Variants in USP25 observed in about 807,000 individuals in gnomAD.
USP25 encodes the protein ubiquitin specific peptidase 25.
USP25 carries 85 observed loss-of-function variants against 158.5 expected under a neutral mutation model. That is an observed-to-expected ratio of 0.54 (90% CI 0.45 to 0.64). The LOEUF (loss-of-function observed/expected upper bound fraction) is 0.64, where lower values mean the gene tolerates loss of function less well. Ranked by LOEUF, USP25 falls within the 30% of genes least tolerant of loss-of-function variation. USP25 has a pLI of 0.00. For synonymous variants in USP25, 464 were observed against 460.4 expected, an observed-to-expected ratio of 1.01 and a Z score of -0.10; for missense variants, 1,242 against 1,327.3, an observed-to-expected ratio of 0.94 and a Z score of 1.00.
At chr21:15,757,988 TC>T (rs1394497581) in intron 1 of USP25, among the ~76,000 whole-genome samples, 1 of 152,220 alleles carries the variant, frequency 6.6e-6, no homozygotes. Flanking sequence ...AAGGAAAACT[TC>T]TGTATAGATT....
intron 4 of USP25, among the ~76,000 whole-genome samples, chr21:15,779,448 T>G (rs1384032931): frequency 6.6e-6 from 1 of 151,868 alleles, no homozygotes; most frequent in Non-Finnish European, 1.5e-5. Flanking sequence ...ATACAAATAT[T>G]ATTTTTAAAA....
intron 20 of USP25, among the ~76,000 whole-genome samples, chr21:15,859,262 G>A (rs760232461): frequency 1.4e-4 from 21 of 150,648 alleles, no homozygotes; most frequent in East Asian, 9.8e-4. Context: ...GTGCCATCTT[G>A]GCTCACTGCA....
At chr21:15,751,488 G>A (rs1479945748) in intron 1 of USP25, among the ~76,000 whole-genome samples, 1 of 152,126 alleles carries the variant, frequency 6.6e-6, no homozygotes, top group Non-Finnish European at 1.5e-5. Context: ...TGGATTATAA[G>A]CTAATTAGGC....
rs183861144 is a variant in USP25 at position 15,743,517 on chromosome 21, G to T, written c.45+13079G>T. ...AGCCATCTTTGCAGTTGAGTCCAGG[G>T]TTTTTTTAGGTTTGGAATGAGGAGA... On this transcript the variant is annotated intron_variant, in intron 1 of 25. Transcript: ENST00000400183. Among the ~76,000 whole-genome samples the T allele has an allele frequency of 7.6e-3, 1,162 of 152,234 alleles. 6 individuals are homozygous for T. Among genetic ancestry groups the T allele is most frequent in the Middle Eastern group, 0.017 (5 of 294 alleles).
chr21:15,774,434 T>C (rs549861846), intron 3 of USP25, among the ~76,000 whole-genome samples: 1 of 152,300 alleles, frequency 6.6e-6, no homozygotes, highest in African/African-American at 2.4e-5. Context: ...GCTTGAAAAT[T>C]CCATATTAAT....
rs2040224378 is a variant in USP25 at position 15,879,832 on chromosome 21, G to T, written c.*1357G>T. Reference sequence around the variant, plus strand: ...CTATTATATGATGCTGTTTGTAAAGGTATTAATGTACTAGTAAGGTGTTAA... The same window carrying T: ...CTATTATATGATGCTGTTTGTAAAGTTATTAATGTACTAGTAAGGTGTTAA... On this transcript the variant is annotated 3_prime_UTR_variant, in exon 26 of 26. Coordinates refer to ENST00000400183, the MANE Select transcript of USP25 (RefSeq NM_001283041.3). The T allele has an allele frequency of 6.6e-6, 1 of 152,502 alleles. No homozygotes were observed. Among genetic ancestry groups the T allele is most frequent in the Non-Finnish European group, 1.5e-5 (1 of 68,000 alleles). The allele number at this position is 152,502 out of a possible 1,614,324, so 9.4% of individuals were successfully genotyped here. A position where few individuals can be genotyped will look rare whatever the true frequency, so the allele number is the denominator to read the frequency against.
rs1284691572 is a variant in USP25 at position 15,877,852 on chromosome 21, C to A, written c.3066C>A (p.Asn1022Lys). 1.2e-6 allele frequency: 2 copies of A among 1,612,494 alleles called. No individual in the cohort carries two copies. Among genetic ancestry groups the A allele is most frequent in the Non-Finnish European group, 1.7e-6 (2 of 1,179,376 alleles). The change falls in exon 25 of 26, where the codon AAC becomes AAA. Residue 1022 changes from asparagine to lysine, a missense_variant. Coordinates refer to ENST00000400183, the MANE Select transcript of USP25 (RefSeq NM_001283041.3). ...LFESGEDREV[N>K]NGLIIMNEFI... ...AATCTGGAGAGGATCGAGAAGTAAA[C>A]AATGGTTTGATTATCATGAATGAGT...
At chr21:15,861,644 A>T (rs1219692027) in intron 20 of USP25, among the ~76,000 whole-genome samples, 2 of 152,166 alleles carry the variant, frequency 1.3e-5, no homozygotes, top group Non-Finnish European at 2.9e-5. Flanking sequence ...ATATTTTAAA[A>T]GCCAAAAATT....
chr21:15,748,420 T>C (rs2032730495), intron 1 of USP25, among the ~76,000 whole-genome samples: 1 of 150,646 alleles, frequency 6.6e-6, no homozygotes. Context: ...TAGCTGGGAC[T>C]ACAGGTGTGT....
At chr21:15,844,100 A>G (rs1052315914) in intron 18 of USP25, among the ~76,000 whole-genome samples, 3 of 152,120 alleles carry the variant, frequency 2.0e-5, no homozygotes, top group Admixed American at 6.5e-5. Flanking sequence ...CTATTTGTCT[A>G]TTCATTTAAT....
At chr21:15,853,437 G>C (rs1182508893) in intron 20 of USP25, among the ~76,000 whole-genome samples, 1 of 151,978 alleles carries the variant, frequency 6.6e-6, no homozygotes, top group Non-Finnish European at 1.5e-5. Flanking sequence ...ATGGACATGT[G>C]TCCTATATTT....
At chr21:15,800,760 G>A (rs115331350) in intron 6 of USP25, among the ~76,000 whole-genome samples, 61 of 151,554 alleles carry the variant, frequency 4.0e-4, no homozygotes, top group African/African-American at 1.4e-3. Flanking sequence ...TTTAGTAGGA[G>A]TGATGAAATA....
chr21:15,734,869 G>A (rs746682591), intron 1 of USP25, among the ~76,000 whole-genome samples: 2 of 151,966 alleles, frequency 1.3e-5, no homozygotes, highest in Non-Finnish European at 1.5e-5. Context: ...TTGTACATAC[G>A]ATATATGAAT....
chr21:15,736,035 C>T (rs189719950), intron 1 of USP25, among the ~76,000 whole-genome samples: 1 of 149,386 alleles, frequency 6.7e-6, no homozygotes, highest in East Asian at 2.0e-4. Context: ...TGTATGTAGA[C>T]ATGCCATTTT....
Position 15,791,611 on chromosome 21 carries a change from C to T in USP25, c.502C>T (p.Pro168Ser). Residue 168 changes from proline (P) to serine (S), a missense_variant, in exon 5 of 26, where the codon CCC (proline) becomes TCC (serine). Transcript: ENST00000400183. ...PYDRKRQDKA[P>S]VGLKNVGNTC... ...TGATAGAAAAAGACAGGACAAAGCT[C>T]CCGTTGGGCTAAAGAATGTTGGCAA... The T allele has an allele frequency of 1.2e-6, 2 of 1,611,156 alleles. No homozygotes were observed. Among genetic ancestry groups the T allele is most frequent in the South Asian group, 2.2e-5 (2 of 90,818 alleles).
intron 1 of USP25, among the ~76,000 whole-genome samples, chr21:15,742,726 TC>T (rs1378939141): frequency 6.6e-6 from 1 of 152,192 alleles, no homozygotes; most frequent in Admixed American, 6.5e-5. Context: ...CAAGATTTTA[TC>T]GGTGCCACTT....
chr21:15,874,301 A>G, intron 23 of USP25, 102 bp from the exon 24 acceptor site: 4 of 1,089,490 alleles, frequency 3.7e-6, no homozygotes, highest in Non-Finnish European at 5.1e-6. Context: ...AATGTAGATT[A>G]TCAAAACTTA....
intron 3 of USP25, among the ~76,000 whole-genome samples, chr21:15,773,635 T>A (rs1473808746): frequency 6.6e-6 from 1 of 152,298 alleles, no homozygotes; most frequent in East Asian, 1.9e-4. Context: ...ATAAAAAACA[T>A]GTCTAAGAAC....
At chr21:15,815,471 G>A (rs184540711) in intron 9 of USP25, among the ~76,000 whole-genome samples, 36 of 152,266 alleles carry the variant, frequency 2.4e-4, no homozygotes, top group Admixed American at 6.5e-4. Flanking sequence ...ACACCAACCC[G>A]TGAAAGCAGC....
Sources: allele counts gnomAD v4.1 joint callset (sites outside exome capture counted in the v4.1 genomes callset), GRCh38; gene constraint gnomAD v4.1.1; transcripts MANE v1.5; gene names NCBI Gene and HGNC (gene_info 2026-07-23, HGNC 2026-07-21).